Variants in ATP13A3 observed in about 807,000 individuals in gnomAD.
The protein encoded by ATP13A3 is ATPase 13A3, also known as polyamine-transporting ATPase 13A3.
In ATP13A3, 59 loss-of-function variants were observed where a neutral mutation model predicts 158.1. The ratio of observed to expected loss-of-function variants is 0.37; its 90% CI spans 0.30 to 0.46. The LOEUF is 0.46. Among genes scored for constraint, ATP13A3 ranks in the 20% least tolerant of loss-of-function variants. ATP13A3 has a pLI of 1.00. For missense variants in ATP13A3, 1,166 were observed against 1,525.2 expected, an observed-to-expected ratio of 0.76 and a Z score of 3.92; for synonymous variants, 491 against 504.3, an observed-to-expected ratio of 0.97 and a Z score of 0.35.
intron 2 of ATP13A3, among the ~76,000 whole-genome samples, chr3:194,465,959 G>C (rs1055019641): frequency 2.6e-5 from 4 of 151,500 alleles, no homozygotes; most frequent in Non-Finnish European, 5.9e-5. Flanking sequence ...TCCAGCCTAG[G>C]CAACACAGTG....
chr3:194,487,133 CT>C (rs1721047274), upstream of ATP13A3: 2 of 152,128 alleles, frequency 1.3e-5, no homozygotes, highest in African/African-American at 4.8e-5. Flanking sequence ...CACCCATCGC[CT>C]TTGCCACCCT....
chr3:194,427,312 G>T, intron 28 of ATP13A3, 60 bp from the exon 29 acceptor site: 1 of 1,405,074 alleles, frequency 7.1e-7, no homozygotes, highest in South Asian at 1.4e-5. Flanking sequence ...ACTATATAAG[G>T]CATAACTAGA....
intron 31 of ATP13A3, 59 bp from the exon 32 acceptor site, chr3:194,413,898 T>C (rs1372313521): frequency 2.2e-6 from 3 of 1,392,028 alleles, no homozygotes; most frequent in Non-Finnish European, 3.1e-6. Flanking sequence ...ATTATAGCAC[T>C]GTATCATAAT....
rs374385857 is a variant in ATP13A3, at chr3:194,421,139, A to T, written c.3314-1172T>A. 2.4e-4 allele frequency among the ~76,000 whole-genome samples: 9 copies of T among 38,088 alleles called. 1 individual carries two copies. The African/African-American group carries it at 2.4e-3, about 10-fold the overall frequency. The allele number at this position is 38,088 out of a possible 152,430, so 25.0% of individuals were successfully genotyped here. On this transcript the variant is annotated intron_variant, in intron 30 of 33. Transcript: ENST00000645319. ...GTATATATATATATATATATATAGTATATATATATATATATATATATATAT... is the reference window on the plus strand; with the variant it reads ...GTATATATATATATATATATATAGTTTATATATATATATATATATATATAT...
Position 194,405,990 on chromosome 3 carries a change from GT to G in ATP13A3, c.3699del (p.Lys1233AsnfsTer11). On this transcript the variant is annotated frameshift_variant, in exon 34 of 34. Transcript: ENST00000645319. LOFTEE classifies it high-confidence loss of function. ...GCTTTAGCTTCTGTGGTTGTCTGAGGTTTTGGTGGCCATTCTGGATCAACCA... is the reference window on the plus strand; with the variant it reads ...GCTTTAGCTTCTGTGGTTGTCTGAGGTTTGGTGGCCATTCTGGATCAACCA... ...ELLVDPEWPP[K>X]PQTTTEAKAL... The G allele has an allele frequency of 6.2e-7, 1 of 1,614,166 alleles. No individual in the cohort carries two copies. The highest frequency in any genetic ancestry group is 8.5e-7 in the Non-Finnish European group (1 of 1,180,036).
At chr3:194,440,072 G>C (rs943837400) in intron 16 of ATP13A3, among the ~76,000 whole-genome samples, 1 of 152,162 alleles carries the variant, frequency 6.6e-6, no homozygotes, top group Non-Finnish European at 1.5e-5. Flanking sequence ...AGGGAGGGAG[G>C]GAGGTGGGGA....
rs1577071749 is a variant in ATP13A3 at position 194,453,841 on chromosome 3, A to T, written c.766-63T>A. 1.0e-5 allele frequency: 13 copies of T among 1,259,912 alleles called. No homozygotes were observed. In the East Asian group the frequency reaches 2.8e-4, roughly 27 times the overall value. 78.0% of individuals were successfully genotyped at this position (1,259,912 alleles called of 1,614,324 possible). A position where few individuals can be genotyped will look rare whatever the true frequency, so the allele number is the denominator to read the frequency against. ...GAACCCACTCCTCAGGAAAAAAGCCAGAGTGCTAAAAAAATAAGTTAATTC... is the reference window on the plus strand; with the variant it reads ...GAACCCACTCCTCAGGAAAAAAGCCTGAGTGCTAAAAAAATAAGTTAATTC... On this transcript the variant is annotated intron_variant, in intron 9 of 33. Transcript: ENST00000645319.
At position 194,448,729 on chromosome 3, in the gene ATP13A3, T is replaced by C; in HGVS notation, c.971-93A>G. The C allele has an allele frequency of 8.7e-7, 1 of 1,146,054 alleles. No homozygotes were observed. Among genetic ancestry groups the C allele is most frequent in the South Asian group, 1.6e-5 (1 of 62,334 alleles). 71.0% of individuals were successfully genotyped at this position (1,146,054 alleles called of 1,614,324 possible). On this transcript the variant is annotated intron_variant, in intron 11 of 33. Transcript: ENST00000645319. This position sits in a 1 kb window ranked among gnomAD's most constrained non-coding sequence, Gnocchi z 4.0. ...TCGAACACCAAAAAATATTAAATTGTTAAATATTTTAAATGCTACCATACT... is the reference window on the plus strand; with the variant it reads ...TCGAACACCAAAAAATATTAAATTGCTAAATATTTTAAATGCTACCATACT...
At chr3:194,471,273 C>G (rs1040073478) in intron 2 of ATP13A3, among the ~76,000 whole-genome samples, 2 of 148,686 alleles carry the variant, frequency 1.3e-5, no homozygotes. Flanking sequence ...ACATTTTGGC[C>G]CAGCTGAAAA....
At chr3:194,410,296 CAAAAAAAAAAAAAAA>C (rs772008929) in intron 33 of ATP13A3, among the ~76,000 whole-genome samples, 61 of 21,822 alleles carry the variant, frequency 2.8e-3, no homozygotes, top group South Asian at 0.021. Flanking sequence ...CTCCTCTCTG[CAAAAAAAAAAAAAAA>C]AAAAAAAAAA....
chr3:194,423,449 C>T (rs1007817037), intron 30 of ATP13A3, among the ~76,000 whole-genome samples: 1 of 151,992 alleles, frequency 6.6e-6, no homozygotes, highest in Admixed American at 6.5e-5. Context: ...TGAAAACTAA[C>T]AGACAGGTCC....
chr3:194,429,405 A>C (rs1409221142), intron 27 of ATP13A3, among the ~76,000 whole-genome samples: 2 of 152,232 alleles, frequency 1.3e-5, no homozygotes, highest in Non-Finnish European at 2.9e-5. Flanking sequence ...TTTGATTATA[A>C]AATCTGATAG....
rs1203618253 is a variant in ATP13A3, at chr3:194,404,966, A to G, written c.*953T>C. ...ACATCAAACCTCAAAAAATTTTATG[A>G]GGTAAAATTCTAACTTAAAAAAAAC... On this transcript the variant is annotated 3_prime_UTR_variant, in exon 34 of 34. Coordinates refer to ENST00000645319, the MANE Select transcript of ATP13A3 (RefSeq NM_001367549.1). 16 of 152,208 alleles carry G rather than the reference A, an allele frequency of 1.1e-4. No homozygotes were observed. The allele number at this position is 152,208 out of a possible 1,614,324, so 9.4% of individuals were successfully genotyped here.
Position 194,434,090 on chromosome 3 carries a change from A to G in ATP13A3, c.2121-194T>C, listed in dbSNP as rs374560374. ...CAAGAGTTCAGTATCTCAATATAATAATCATTTGGAAATGTATGTCACTGT... is the reference window on the plus strand; with the variant it reads ...CAAGAGTTCAGTATCTCAATATAATGATCATTTGGAAATGTATGTCACTGT... On this transcript the variant is annotated intron_variant, in intron 20 of 33. Coordinates refer to ENST00000645319, the MANE Select transcript of ATP13A3 (RefSeq NM_001367549.1). Among the ~76,000 whole-genome samples, 4 of 152,366 alleles carry G rather than the reference A, an allele frequency of 2.6e-5. No homozygotes were observed. In the South Asian group the frequency reaches 8.3e-4, roughly 32 times the overall value.
intron 8 of ATP13A3, 26 bp downstream of exon 8, chr3:194,455,867 A>G: frequency 7.4e-7 from 1 of 1,349,078 alleles, no homozygotes; most frequent in South Asian, 1.3e-5. Context: ...CATGACTGTT[A>G]AGTTATATAC....
intron 2 of ATP13A3, among the ~76,000 whole-genome samples, chr3:194,479,102 G>C (rs919049247): frequency 6.6e-6 from 1 of 152,136 alleles, no homozygotes; most frequent in African/African-American, 2.4e-5. Context: ...GATTGGGGCG[G>C]GGGGTACTCT....
chr3:194,443,560 A>T (rs1718193082), intron 15 of ATP13A3, among the ~76,000 whole-genome samples: 1 of 152,220 alleles, frequency 6.6e-6, no homozygotes, highest in African/African-American at 2.4e-5. Flanking sequence ...TATAATTATA[A>T]GACAAAACAG....
intron 20 of ATP13A3, among the ~76,000 whole-genome samples, chr3:194,436,153 C>T (rs1028666282): frequency 4.6e-5 from 7 of 151,852 alleles, no homozygotes; most frequent in African/African-American, 1.7e-4. Flanking sequence ...CATGCTTAGA[C>T]CTCACCACCT....
Position 194,425,031 on chromosome 3 carries a change from C to T in ATP13A3, c.3313+311G>A, listed in dbSNP as rs1716660149. 1.3e-5 allele frequency among the ~76,000 whole-genome samples: 2 copies of T among 152,260 alleles called. 1 individual carries two copies. Among genetic ancestry groups the T allele is most frequent in the South Asian group, 4.1e-4 (2 of 4,826 alleles). On this transcript the variant is annotated intron_variant, in intron 30 of 33. Transcript: ENST00000645319. ...CCGCCCCCGATCCTAACTCACCCAA[C>T]AGTGGGCTGAGGAACCTCCGTCTCC... is the stretch of plus-strand genomic sequence containing the variant.
Sources: allele counts gnomAD v4.1 joint callset (sites outside exome capture counted in the v4.1 genomes callset), GRCh38; gene constraint gnomAD v4.1.1; non-coding constraint Gnocchi (gnomAD v3.1); transcripts MANE v1.5; gene names NCBI Gene and HGNC (gene_info 2026-07-23, HGNC 2026-07-21).